Variants in ARHGAP22 observed in about 807,000 individuals in gnomAD.
The protein encoded by ARHGAP22 is rho GTPase-activating protein 22.
ARHGAP22 carries 48 observed loss-of-function variants against 59.1 expected under a neutral mutation model. The observed-to-expected ratio is 0.81, with a 90% CI of 0.64 to 1.03. The LOEUF is 1.03. ARHGAP22 is among the 50% of genes least tolerant of loss of function. ARHGAP22 has a pLI of 0.00. For synonymous variants in ARHGAP22, 445 were observed against 416.4 expected (o/e 1.07, Z -0.84); for missense variants, 1,015 against 958.7 (o/e 1.06, Z -0.78).
chr10:48,483,538 G>A (rs2049542715), intron 3 of ARHGAP22, among the ~76,000 whole-genome samples: 2 of 151,756 alleles, frequency 1.3e-5, no homozygotes, highest in South Asian at 4.2e-4. Flanking sequence ...ATGTATAAGA[G>A]TTTTCTTTTT....
chr10:48,614,037 A>G (rs189475191), intron 1 of ARHGAP22, among the ~76,000 whole-genome samples: 5 of 152,260 alleles, frequency 3.3e-5, no homozygotes, highest in Admixed American at 6.5e-5. Flanking sequence ...TGCTGGTGCC[A>G]TGCTCTTGGG....
chr10:48,560,271 G>A (rs967355181), intron 2 of ARHGAP22, among the ~76,000 whole-genome samples: 1 of 152,112 alleles, frequency 6.6e-6, no homozygotes, highest in Non-Finnish European at 1.5e-5. Context: ...GGATTGCATA[G>A]ATCAATTTGG....
chr10:48,526,198 A>C (rs1328946816), intron 3 of ARHGAP22, among the ~76,000 whole-genome samples: 1 of 152,180 alleles, frequency 6.6e-6, no homozygotes. Flanking sequence ...AGGCTGCCCA[A>C]GGCACGGAGC....
intron 5 of ARHGAP22, among the ~76,000 whole-genome samples, chr10:48,457,094 C>T (rs1341400622): frequency 6.6e-6 from 1 of 152,110 alleles, no homozygotes; most frequent in Non-Finnish European, 1.5e-5. Flanking sequence ...GACAAAGAGG[C>T]CCTGGTGGTC....
chr10:48,528,239 G>T (rs982277005), intron 3 of ARHGAP22, among the ~76,000 whole-genome samples: 1 of 152,150 alleles, frequency 6.6e-6, no homozygotes, highest in Non-Finnish European at 1.5e-5. Context: ...AGTCTGGATT[G>T]CTCCTCCCCA....
At chr10:48,533,743 T>C (rs1212038708) in intron 3 of ARHGAP22, among the ~76,000 whole-genome samples, 5 of 152,268 alleles carry the variant, frequency 3.3e-5, no homozygotes, top group Non-Finnish European at 7.3e-5. Flanking sequence ...AATAAAACTT[T>C]ATGTACAATA....
In ARHGAP22 at chr10:48,493,544, T is replaced by TGGGGTGCAGAAAACCAC. The variant is rs1344367281; in HGVS notation, c.323-13797_323-13781dup. On this transcript the variant is annotated intron_variant, in intron 3 of 9. Transcript: ENST00000249601. ...AGGAGCAGTGGCCAGACACACCTGT[T>TGGGGTGCAGAAAACCAC]GGGGTGCAGAAAACCACCAGGTGCA... is the stretch of plus-strand genomic sequence containing the variant. The TGGGGTGCAGAAAACCAC allele has an allele frequency of 2.6e-6, 4 of 1,525,238 alleles. No homozygotes were observed. In the African/African-American group the frequency reaches 4.1e-5, roughly 16 times the overall value. The allele number at this position is 1,525,238 out of a possible 1,614,324, so 94.5% of individuals were successfully genotyped here. A position where few individuals can be genotyped will look rare whatever the true frequency, so the allele number is the denominator to read the frequency against.
intron 4 of ARHGAP22, among the ~76,000 whole-genome samples, chr10:48,473,982 C>T (rs1223832500): frequency 6.6e-6 from 1 of 152,200 alleles, no homozygotes; most frequent in Non-Finnish European, 1.5e-5. Flanking sequence ...CTGCGCCATG[C>T]ATCCTTCTGG....
chr10:48,456,952 C>G (rs1014809668), intron 5 of ARHGAP22, among the ~76,000 whole-genome samples: 1 of 152,126 alleles, frequency 6.6e-6, no homozygotes, highest in Non-Finnish European at 1.5e-5. Flanking sequence ...CTGTACAGCC[C>G]GTGGTCCTGT....
At chr10:48,487,737 T>C (rs926559574) in intron 3 of ARHGAP22, among the ~76,000 whole-genome samples, 1 of 152,088 alleles carries the variant, frequency 6.6e-6, no homozygotes, top group Non-Finnish European at 1.5e-5. Context: ...TAAGGTAAAT[T>C]TGCATTGTTT....
Position 48,546,534 on chromosome 10 carries a change from C to G in ARHGAP22, c.322+8929G>C, listed in dbSNP as rs2056451673. The G allele has an allele frequency of 2.5e-5, 4 of 157,442 alleles. No individual in the cohort carries two copies. The South Asian group carries it at 7.6e-4, about 30-fold the overall frequency. The allele number at this position is 157,442 out of a possible 1,614,324, so 9.8% of individuals were successfully genotyped here. On this transcript the variant is annotated intron_variant, in intron 3 of 9. Coordinates refer to ENST00000249601, the MANE Select transcript of ARHGAP22 (RefSeq NM_021226.4). The stretch of plus-strand genomic sequence containing the variant: ...AACAGGGCACAGATTCCATCCAATT[C>G]CAATTGGTGTTGCAACATAGGTCCA...
the ARHGAP22 span, among the ~76,000 whole-genome samples, chr10:48,439,899 CCCT>C: frequency 2.6e-5 from 4 of 152,186 alleles, no homozygotes; most frequent in Non-Finnish European, 5.9e-5. Context: ...ACTCACACTG[CCCT>C]CCTCTGAGGA....
chr10:48,577,844 G>A (rs79785143), intron 2 of ARHGAP22, among the ~76,000 whole-genome samples: 42,931 of 115,718 alleles, frequency 0.37, 8,341 homozygotes, highest in East Asian at 0.74. Flanking sequence ...ACAGAGTCTC[G>A]CTCTGCTGCC....
chr10:48,449,428 C>T (rs1441404865), intron 9 of ARHGAP22, among the ~76,000 whole-genome samples: 1 of 152,238 alleles, frequency 6.6e-6, no homozygotes, highest in Non-Finnish European at 1.5e-5. Context: ...AGCAAAAGGG[C>T]AAGGGCTGCC....
At chr10:48,518,450 T>A (rs768029781) in intron 3 of ARHGAP22, among the ~76,000 whole-genome samples, 2 of 152,162 alleles carry the variant, frequency 1.3e-5, no homozygotes, top group Non-Finnish European at 2.9e-5. Context: ...AAATACATAA[T>A]GGCAAGTGAG....
At chr10:48,613,088 C>T (rs1157615579) in intron 1 of ARHGAP22, among the ~76,000 whole-genome samples, 2 of 152,234 alleles carry the variant, frequency 1.3e-5, no homozygotes, top group Non-Finnish European at 2.9e-5. Flanking sequence ...AAATCCAGCT[C>T]CCATCTCAGT....
rs1268660735 is a variant in ARHGAP22, at chr10:48,583,051, T to C, written c.136A>G (p.Lys46Glu). The change falls in exon 2 of 10, where the codon AAG becomes GAG. Residue 46 changes from lysine to glutamate, a missense_variant. Coordinates refer to ENST00000249601, the MANE Select transcript of ARHGAP22 (RefSeq NM_021226.4). ...GPVLKAGWLK[K>E]QRSIMKNWQQ... is the part of the protein sequence containing the mutation. ...CAGTTCTTCATGATGCTCCTCTGCT[T>C]CTTCAGCCAGCCCGCCTTCAGCACG... 6.2e-7 allele frequency: 1 copy of C among 1,614,158 alleles called. No individual in the cohort carries two copies. The highest frequency in any genetic ancestry group is 8.5e-7 in the Non-Finnish European group (1 of 1,180,054).
intron 3 of ARHGAP22, among the ~76,000 whole-genome samples, chr10:48,524,396 C>T (rs1246907767): frequency 6.6e-6 from 1 of 151,868 alleles, no homozygotes; most frequent in African/African-American, 2.4e-5. Flanking sequence ...GCTCCCTGCC[C>T]TCGCCGGCGC....
chr10:48,505,485 C>G (rs376516739), intron 3 of ARHGAP22, among the ~76,000 whole-genome samples: 1 of 152,144 alleles, frequency 6.6e-6, no homozygotes, highest in East Asian at 1.9e-4. Context: ...TCCCGTGCGC[C>G]TGACTCTGCT....
Sources: gnomAD v4.1 joint callset for allele counts (sites outside exome capture counted in the v4.1 genomes callset) on GRCh38, gnomAD v4.1.1 for gene constraint, MANE v1.5 for transcripts, NCBI Gene and HGNC (gene_info 2026-07-23, HGNC 2026-07-21) for gene names.